The following DTX2 variants were observed in gnomAD, a reference collection of about 807,000 sequenced individuals.
DTX2 encodes probable E3 ubiquitin-protein ligase DTX2.
In DTX2, 29 loss-of-function variants were observed where a neutral mutation model predicts 55.3. That is an observed-to-expected ratio of 0.52 (90% confidence interval 0.39 to 0.71). DTX2 has a LOEUF of 0.71. Ranked by LOEUF, DTX2 falls within the 30% of genes least tolerant of loss-of-function variation. The probability of loss-of-function intolerance (pLI) is 0.00; values close to 1 mark genes in which losing one functional copy is unlikely to be tolerated. For synonymous variants in DTX2, 276 were observed against 340.4 expected (o/e 0.81, Z 2.08); for missense variants, 537 against 822.5 (o/e 0.65, Z 4.25).
At chr7:76,483,253 C>A in intron 4 of DTX2, 106 bp downstream of exon 4, 1 of 1,342,000 alleles carries the variant, frequency 7.5e-7, no homozygotes, top group Non-Finnish European at 9.9e-7. Flanking sequence ...CCTAGGTGGT[C>A]CTGCCGTGGC....
intron 2 of DTX2, among the ~76,000 whole-genome samples, chr7:76,471,342 T>C (rs1399302205): frequency 2.7e-5 from 4 of 149,254 alleles, no homozygotes; most frequent in Non-Finnish European, 4.4e-5. Flanking sequence ...TTTGTATTTT[T>C]AGTAGAGACA....
intron 8 of DTX2, chr7:76,503,218 C>T (rs932138585): frequency 8.4e-6 from 5 of 598,624 alleles, no homozygotes; most frequent in Non-Finnish European, 1.5e-5. Flanking sequence ...GATAGCATGT[C>T]CCTTAACGAA....
chr7:76,475,701 GAAA>G (rs200404371), intron 2 of DTX2, among the ~76,000 whole-genome samples: 1 of 150,596 alleles, frequency 6.6e-6, no homozygotes, highest in Middle Eastern at 3.2e-3. Context: ...TAAAAAAAAA[GAAA>G]AAAAATCCCA....
intron 4 of DTX2, among the ~76,000 whole-genome samples, chr7:76,488,911 G>T (rs1230714206): frequency 4.9e-5 from 5 of 102,168 alleles, no homozygotes; most frequent in Non-Finnish European, 9.8e-5. Flanking sequence ...AAAAAAAAGT[G>T]GGGGGAAGAG....
rs1810715932 is a variant in DTX2 at position 76,494,565 on chromosome 7, GC to G, written c.1009+2317del. Among the ~76,000 whole-genome samples, 2 of 85,858 alleles carry G rather than the reference GC, an allele frequency of 2.3e-5. 1 individual carries two copies. Among genetic ancestry groups the G allele is most frequent in the Admixed American group, 2.2e-4 (2 of 8,994 alleles). The allele number at this position is 85,858 out of a possible 152,430, so 56.3% of individuals were successfully genotyped here. A position where few individuals can be genotyped will look rare whatever the true frequency, so the allele number is the denominator to read the frequency against. On this transcript the variant is annotated intron_variant, in intron 5 of 10. Coordinates refer to ENST00000430490, the MANE Select transcript of DTX2 (RefSeq NM_001102594.3). ...TGCTCTGGGTGTGGAGTTAGCACCT[GC>G]CCCCTTCCTCTGCTCTTGAGGCTGA...
At chr7:76,500,682 C>T (rs1342278899) in intron 7 of DTX2, among the ~76,000 whole-genome samples, 162 bp downstream of exon 7, 1 of 151,564 alleles carries the variant, frequency 6.6e-6, no homozygotes, top group East Asian at 2.0e-4. Flanking sequence ...CTCCCGAGAC[C>T]CACATCGTTA....
chr7:76,468,223 T>C (rs1408952727), intron 2 of DTX2, among the ~76,000 whole-genome samples: 1 of 152,204 alleles, frequency 6.6e-6, no homozygotes, highest in Non-Finnish European at 1.5e-5. Context: ...ATGCTGTATT[T>C]CACCCTTAGG....
At position 76,505,542 on chromosome 7, in the gene DTX2, A is replaced by G; in HGVS notation, c.1810A>G (p.Asn604Asp). Residue 604 changes from asparagine to aspartate, a missense_variant, in exon 11 of 11, where the codon AAC (asparagine) becomes GAC (aspartate). By Grantham distance (23) the Asn-to-Asp change is conservative. Transcript: ENST00000430490. The surrounding 1 kb of genome is among the most constrained non-coding windows in gnomAD (Gnocchi z 4.4). ...CTATCCCGACCCCAACTACCTGCAGAACGTGCTGGCTGAGCTGGCTGCCCA... is the reference window on the plus strand; with the variant it reads ...CTATCCCGACCCCAACTACCTGCAGGACGTGCTGGCTGAGCTGGCTGCCCA... ...HGYPDPNYLQNVLAELAAQGV... is the reference protein window; with the variant it reads ...HGYPDPNYLQDVLAELAAQGV... 1 of 1,608,120 alleles carries G rather than the reference A, an allele frequency of 6.2e-7. No individual in the cohort carries two copies. The highest frequency in any genetic ancestry group is 1.1e-5 in the South Asian group (1 of 90,018).
chr7:76,503,656 C>G (rs1471544206), intron 9 of DTX2, 69 bp downstream of exon 9: 7 of 1,369,440 alleles, frequency 5.1e-6, no homozygotes, highest in Non-Finnish European at 7.1e-6. Flanking sequence ...TCCCAGCAGT[C>G]TGCCCCTGGA....
chr7:76,499,939 G>A, intron 6 of DTX2: 2 of 348,782 alleles, frequency 5.7e-6, no homozygotes, highest in Non-Finnish European at 5.7e-6. Context: ...CCGGGACAGT[G>A]TCTGTGTGGC....
Position 76,483,218 on chromosome 7 carries a change from A to G in DTX2, c.908+71A>G, listed in dbSNP as rs1380422820. 5.2e-6 allele frequency: 8 copies of G among 1,529,360 alleles called. No individual in the cohort carries two copies. The African/African-American group carries it at 5.5e-5, about 11-fold the overall frequency. The allele number at this position is 1,529,360 out of a possible 1,614,324, so 94.7% of individuals were successfully genotyped here. A position where few individuals can be genotyped will look rare whatever the true frequency, so the allele number is the denominator to read the frequency against. ...CTCTTAGCCGGGAAGACTCACCCCA[A>G]TTCCTGCAGATGCGGCTCCTGCCCC... On this transcript the variant is annotated intron_variant, in intron 4 of 10. Transcript: ENST00000430490.
rs1309874485 is a variant in DTX2 at position 76,505,934 on chromosome 7, G to A, written c.*333G>A. The A allele has an allele frequency of 2.1e-6, 1 of 487,164 alleles. No individual in the cohort carries two copies. The highest frequency in any genetic ancestry group is 2.6e-5 in the South Asian group (1 of 39,090). The allele number at this position is 487,164 out of a possible 1,614,324, so 30.2% of individuals were successfully genotyped here. A position where few individuals can be genotyped will look rare whatever the true frequency, so the allele number is the denominator to read the frequency against. ...ACTTCCCCAGCCTGGACGGGCGTGG[G>A]TTCTGGGTCAGCTTCTTTTACCTCA... is the stretch of plus-strand genomic sequence containing the variant. On this transcript the variant is annotated 3_prime_UTR_variant, in exon 11 of 11. Transcript: ENST00000430490. The surrounding 1 kb of genome is among the most constrained non-coding windows in gnomAD (Gnocchi z 4.4).
In DTX2 at chr7:76,482,753, G is replaced by A. The variant is rs747565446; in HGVS notation, c.514G>A (p.Val172Met). The change falls in exon 4 of 11, where the codon GTG (valine) becomes ATG (methionine). Residue 172 changes from valine (V) to methionine (M), a missense_variant. Physicochemically the swap from Val to Met is conservative, Grantham distance 21. This residue lies in a region of DTX2 where 301 missense variants were observed against 396.6 expected (regional missense o/e 0.76). Transcript: ENST00000430490. ...CAAGACTTCCAGCTTCTGCCGCAGC[G>A]TGCGGCGCCAAGCAGGGCCGCCTTA... ...TNKTSSFCRS[V>M]RRQAGPPYPV... 2.4e-5 allele frequency: 39 copies of A among 1,613,722 alleles called. No individual in the cohort carries two copies. Among genetic ancestry groups the A allele is most frequent in the South Asian group, 9.9e-5 (9 of 91,082 alleles).
chr7:76,482,718 C>G lies in DTX2; in HGVS notation c.479C>G (p.Thr160Arg). 1 of 1,613,880 alleles carries G rather than the reference C, an allele frequency of 6.2e-7. No homozygotes were observed. The highest frequency in any genetic ancestry group is 8.5e-7 in the Non-Finnish European group (1 of 1,179,808). ...TACACTGTCAACTACACCACCCACA[C>G]GCAGACCAACAAGACTTCCAGCTTC... The part of the protein sequence containing the change: ...YNYTVNYTTH[T>R]QTNKTSSFCR... The change falls in exon 4 of 11, where the codon ACG (threonine) becomes AGG (arginine). Residue 160 changes from threonine to arginine, a missense_variant. Transcript: ENST00000430490.
rs1204756111 is a variant in DTX2, at chr7:76,505,693, T to C, written c.*92T>C. ...GCAGGAAGTGCCCAGCCCGAGAGGC[T>C]GGGAGGTTTGTTGAGGGTGTGGGGT... On this transcript the variant is annotated 3_prime_UTR_variant, in exon 11 of 11. Transcript: ENST00000430490. This position sits in a 1 kb window ranked among gnomAD's most constrained non-coding sequence, Gnocchi z 4.4. 1 of 1,371,022 alleles carries C rather than the reference T, an allele frequency of 7.3e-7. No homozygotes were observed. Among genetic ancestry groups the C allele is most frequent in the Non-Finnish European group, 9.9e-7 (1 of 1,010,870 alleles). 84.9% of individuals were successfully genotyped at this position (1,371,022 alleles called of 1,614,324 possible).
chr7:76,467,106 C>G (rs574506211), intron 2 of DTX2, among the ~76,000 whole-genome samples: 838 of 151,624 alleles, frequency 5.5e-3, no homozygotes, highest in African/African-American at 0.019. Context: ...ACTGTGTTGC[C>G]CAGGCTGGTC....
At chr7:76,491,058 G>A (rs1333001779) in intron 4 of DTX2, among the ~76,000 whole-genome samples, 2 of 127,452 alleles carry the variant, frequency 1.6e-5, no homozygotes, top group African/African-American at 6.4e-5. Context: ...GTGCAGTGGT[G>A]CAATCTCGGC....
chr7:76,502,762 C>T (rs529870617), intron 8 of DTX2: 162 of 464,540 alleles, frequency 3.5e-4, no homozygotes, highest in African/African-American at 2.0e-3. Flanking sequence ...GCCTCCCCCT[C>T]GGCCACTTGT....
chr7:76,503,265 A>G, intron 8 of DTX2, 161 bp from the exon 9 acceptor site: 3 of 740,486 alleles, frequency 4.1e-6, no homozygotes, highest in South Asian at 2.1e-5. Flanking sequence ...AAAGCTTTCC[A>G]GGGAAGCTGT....
Sources: allele counts gnomAD v4.1 joint callset (sites outside exome capture counted in the v4.1 genomes callset), GRCh38; gene constraint gnomAD v4.1.1; regional missense constraint gnomAD v4.1.1; non-coding constraint Gnocchi (gnomAD v3.1); transcripts MANE v1.5; gene names NCBI Gene and HGNC (gene_info 2026-07-23, HGNC 2026-07-21).